Variants in PCSK2 observed in about 807,000 individuals in gnomAD.
PCSK2 encodes the protein neuroendocrine convertase 2.
Under a neutral mutation model 69.7 loss-of-function variants are expected in PCSK2, and 14 were observed. The observed-to-expected ratio is 0.20, with a 90% CI of 0.13 to 0.31. The LOEUF is 0.31. Ranked by LOEUF, PCSK2 falls within the 10% of genes least tolerant of loss-of-function variation. The pLI is 1.00. For synonymous variants in PCSK2, 307 were observed against 320.7 expected (o/e 0.96, Z 0.46); for missense variants, 544 against 842.5 (o/e 0.65, Z 4.39).
intron 5 of PCSK2, among the ~76,000 whole-genome samples, chr20:17,404,695 A>G (rs927176113): frequency 1.3e-5 from 2 of 152,208 alleles, no homozygotes; most frequent in Non-Finnish European, 2.9e-5. Flanking sequence ...TATGTCTCAG[A>G]GCAGAGAGAT....
intron 2 of PCSK2, among the ~76,000 whole-genome samples, chr20:17,331,595 A>G (rs1041957656): frequency 3.9e-5 from 6 of 152,214 alleles, no homozygotes. Context: ...TAAAAATCCA[A>G]ACAGCCAGTC....
chr20:17,321,848 T>C lies in PCSK2; in HGVS notation c.283-36479T>C, dbSNP rs1989878344. Among the ~76,000 whole-genome samples the C allele has an allele frequency of 2.6e-5, 4 of 152,224 alleles. No homozygotes were observed. The South Asian group carries it at 8.3e-4, about 31-fold the overall frequency. On this transcript the variant is annotated intron_variant, in intron 2 of 11. Transcript: ENST00000262545. ...TGACTTGTATCAGGCATAGATTTAT[T>C]CAGACAAAACAGAGAGACAGAAGGA...
intron 10 of PCSK2, among the ~76,000 whole-genome samples, chr20:17,462,749 G>A (rs184881492): frequency 9.9e-5 from 15 of 152,244 alleles, no homozygotes; most frequent in East Asian, 1.9e-4. Context: ...TTATTTTCCC[G>A]ACTCATATAA....
intron 8 of PCSK2, among the ~76,000 whole-genome samples, chr20:17,450,888 G>C (rs182663353): frequency 3.3e-5 from 5 of 152,014 alleles, no homozygotes; most frequent in African/African-American, 1.2e-4. Flanking sequence ...ATTTGGGGGG[G>C]ACATATAAGT....
chr20:17,424,810 A>G (rs1340311616), intron 6 of PCSK2, among the ~76,000 whole-genome samples: 2 of 150,480 alleles, frequency 1.3e-5, no homozygotes, highest in South Asian at 2.1e-4. Flanking sequence ...TATTTGAGAC[A>G]GTCTCATTCT....
intron 2 of PCSK2, among the ~76,000 whole-genome samples, chr20:17,285,420 G>A (rs1391246519): frequency 6.6e-6 from 1 of 152,170 alleles, no homozygotes; most frequent in Non-Finnish European, 1.5e-5. Flanking sequence ...TCTGTCTCCC[G>A]ATTTCTCAGA....
chr20:17,409,676 T>C (rs1368234566), intron 6 of PCSK2, among the ~76,000 whole-genome samples: 1 of 152,236 alleles, frequency 6.6e-6, no homozygotes, highest in Non-Finnish European at 1.5e-5. Context: ...GTTGAAACTG[T>C]CGTAGAGAAG....
rs567025282 is a variant in PCSK2, at chr20:17,339,260, A to G, written c.283-19067A>G. On this transcript the variant is annotated intron_variant, in intron 2 of 11. Transcript: ENST00000262545. The stretch of plus-strand genomic sequence containing the variant: ...TTGACCTGAGCATGTTTTGAAGTGG[A>G]GGAGACAAGTGAACAAAGTGAACAG... Among the ~76,000 whole-genome samples, 5 of 152,328 alleles carry G rather than the reference A, an allele frequency of 3.3e-5. No homozygotes were observed. In the East Asian group the frequency reaches 9.6e-4, roughly 29 times the overall value.
chr20:17,326,066 G>GC (rs1264570973), intron 2 of PCSK2, among the ~76,000 whole-genome samples: 1 of 152,220 alleles, frequency 6.6e-6, no homozygotes, highest in Non-Finnish European at 1.5e-5. Flanking sequence ...TATCTCTTCT[G>GC]CCCCCATGCC....
intron 2 of PCSK2, among the ~76,000 whole-genome samples, chr20:17,326,398 T>C (rs1028385982): frequency 1.3e-5 from 2 of 152,152 alleles, no homozygotes; most frequent in African/African-American, 2.4e-5. Context: ...TGAATAAAAG[T>C]AATATGGAAT....
intron 5 of PCSK2, among the ~76,000 whole-genome samples, chr20:17,402,830 T>G (rs963359476): frequency 1.3e-5 from 2 of 150,346 alleles, no homozygotes; most frequent in Non-Finnish European, 3.0e-5. Context: ...GGTGGTGGGC[T>G]CCTGTAGTCC....
At chr20:17,295,803 G>A (rs1988873079) in intron 2 of PCSK2, among the ~76,000 whole-genome samples, 1 of 152,056 alleles carries the variant, frequency 6.6e-6, no homozygotes, top group Non-Finnish European at 1.5e-5. Context: ...TGATCCTCCT[G>A]CCCCAGTCTT....
In PCSK2 at chr20:17,347,966, GAA is replaced by G. The variant is rs372821483; in HGVS notation, c.283-10359_283-10358del. On this transcript the variant is annotated intron_variant, in intron 2 of 11. Transcript: ENST00000262545. ...AAAGAAAGAAAGAAAGAAAGAGAAA[GAA>G]AGAAAGAAAGAAAGAGGAGAGAGAA... 2.5e-3 allele frequency among the ~76,000 whole-genome samples: 133 copies of G among 53,598 alleles called. 15 individuals are homozygous for G. The highest frequency in any genetic ancestry group is 9.6e-3 in the South Asian group (16 of 1,666). 35.2% of individuals were successfully genotyped at this position (53,598 alleles called of 152,430 possible).
intron 3 of PCSK2, among the ~76,000 whole-genome samples, chr20:17,359,173 A>G (rs377536626): frequency 6.6e-5 from 10 of 152,356 alleles, no homozygotes; most frequent in African/African-American, 2.4e-4. Context: ...TTAAAAAGTG[A>G]TGAACAAGAG....
Position 17,482,145 on chromosome 20 carries a change from C to T in PCSK2, c.*75C>T. On this transcript the variant is annotated 3_prime_UTR_variant, in exon 12 of 12. Transcript: ENST00000262545. Reference sequence around the variant, plus strand: ...GTCCTCGCTCCACGTTTCAGGCAGGCACCTAGCAATTCCATCACCCGTACA... The same window carrying T: ...GTCCTCGCTCCACGTTTCAGGCAGGTACCTAGCAATTCCATCACCCGTACA... The T allele has an allele frequency of 7.1e-7, 1 of 1,404,330 alleles. No homozygotes were observed. Among genetic ancestry groups the T allele is most frequent in the African/African-American group, 1.4e-5 (1 of 69,462 alleles). 87.0% of individuals were successfully genotyped at this position (1,404,330 alleles called of 1,614,324 possible). A position where few individuals can be genotyped will look rare whatever the true frequency, so the allele number is the denominator to read the frequency against.
intron 5 of PCSK2, among the ~76,000 whole-genome samples, chr20:17,369,531 A>G (rs1275331394): frequency 6.6e-6 from 1 of 152,236 alleles, no homozygotes; most frequent in East Asian, 1.9e-4. Flanking sequence ...GCACACATGC[A>G]TGCACACACA....
intron 1 of PCSK2, among the ~76,000 whole-genome samples, chr20:17,240,681 T>A (rs1352373497): frequency 6.6e-6 from 1 of 152,176 alleles, no homozygotes; most frequent in Non-Finnish European, 1.5e-5. Context: ...GTATGTCAGA[T>A]CCCCTCTACG....
intron 1 of PCSK2, among the ~76,000 whole-genome samples, chr20:17,246,849 T>C (rs1339064176): frequency 2.6e-5 from 4 of 152,126 alleles, no homozygotes; most frequent in Non-Finnish European, 4.4e-5. Flanking sequence ...GATACTTAAT[T>C]TGTGTTTTAG....
At chr20:17,313,267 C>T (rs1240385130) in intron 2 of PCSK2, among the ~76,000 whole-genome samples, 1 of 152,100 alleles carries the variant, frequency 6.6e-6, no homozygotes, top group African/African-American at 2.4e-5. Context: ...AGACCAGCCA[C>T]GTTTCCAGGG....
Sources: gnomAD v4.1 joint callset for allele counts (sites outside exome capture counted in the v4.1 genomes callset) on GRCh38, gnomAD v4.1.1 for gene constraint, MANE v1.5 for transcripts, NCBI Gene and HGNC (gene_info 2026-07-23, HGNC 2026-07-21) for gene names.